The following MPP7 variants were observed in gnomAD, a reference collection of about 807,000 sequenced individuals.
The protein encoded by MPP7 is MAGUK p55 subfamily member 7.
MPP7 carries 60 observed loss-of-function variants against 76.5 expected under a neutral mutation model. That is an observed-to-expected ratio of 0.78 (90% CI 0.64 to 0.97). The LOEUF (loss-of-function observed/expected upper bound fraction) is 0.97. Among genes scored for constraint, MPP7 ranks in the 50% least tolerant of loss-of-function variants. The probability of loss-of-function intolerance (pLI) is 0.00; values close to 1 mark genes in which losing one functional copy is unlikely to be tolerated. For synonymous variants in MPP7, 237 were observed against 244.5 expected (o/e 0.97, Z 0.29); for missense variants, 641 against 694.0 (o/e 0.92, Z 0.86).
At chr10:28,252,908 CTTTT>C (rs889154658) in intron 1 of MPP7, among the ~76,000 whole-genome samples, 1 of 150,090 alleles carries the variant, frequency 6.7e-6, no homozygotes, top group African/African-American at 2.5e-5. Context: ...ATCTGCATTT[CTTTT>C]TTTTTGGGAG....
chr10:28,221,627 T>C (rs1052138060), intron 2 of MPP7, among the ~76,000 whole-genome samples: 3 of 152,150 alleles, frequency 2.0e-5, no homozygotes, highest in African/African-American at 7.2e-5. Context: ...GAAAATTCAG[T>C]CTAAGAGACA....
At chr10:28,061,994 C>G (rs894540683) in intron 13 of MPP7, among the ~76,000 whole-genome samples, 26 of 151,270 alleles carry the variant, frequency 1.7e-4, no homozygotes, top group Admixed American at 5.3e-4. Context: ...GCCGACTGTT[C>G]AAAAAAAATA....
At chr10:28,080,815 T>G (rs1852725929) in intron 12 of MPP7, among the ~76,000 whole-genome samples, 1 of 152,232 alleles carries the variant, frequency 6.6e-6, no homozygotes, top group Non-Finnish European at 1.5e-5. Context: ...GGAATTTCAT[T>G]ATGACTTTCA....
chr10:28,095,194 C>CATATATATATATATATATATAT (rs10528025), intron 11 of MPP7, among the ~76,000 whole-genome samples: 35 of 130,828 alleles, frequency 2.7e-4, no homozygotes, highest in East Asian at 1.6e-3. Flanking sequence ...CACACATATG[C>CATATATATATATATATATATAT]ATATATATAT....
At chr10:28,062,531 AACACACACACAC>A (rs56923979) in intron 13 of MPP7, among the ~76,000 whole-genome samples, 2,474 of 132,358 alleles carry the variant, frequency 0.019, 54 homozygotes, top group African/African-American at 0.052. Context: ...CATAATAGTA[AACACACACACAC>A]ACACACACAC....
At chr10:28,131,725 A>C in intron 5 of MPP7, 34 bp from the exon 6 acceptor site, 1 of 1,307,302 alleles carries the variant, frequency 7.6e-7, no homozygotes, top group Non-Finnish European at 1.0e-6. Flanking sequence ...AAATAAGTAA[A>C]TATACATACT....
chr10:28,243,743 G>A (rs1366269475), intron 1 of MPP7, among the ~76,000 whole-genome samples: 1 of 151,970 alleles, frequency 6.6e-6, no homozygotes, highest in African/African-American at 2.4e-5. Flanking sequence ...GGAACATACA[G>A]CAACAAAATG....
intron 1 of MPP7, among the ~76,000 whole-genome samples, chr10:28,251,303 A>T (rs1221504621): frequency 6.6e-6 from 1 of 151,990 alleles, no homozygotes; most frequent in Non-Finnish European, 1.5e-5. Flanking sequence ...CATCTCTACT[A>T]AAAATACAAA....
intron 12 of MPP7, among the ~76,000 whole-genome samples, chr10:28,086,821 C>T (rs1351773585): frequency 6.6e-6 from 1 of 152,136 alleles, no homozygotes; most frequent in African/African-American, 2.4e-5. Context: ...CAGAGTCTAT[C>T]CCCCGCTGAA....
chr10:28,178,456 A>G (rs1316240942), intron 3 of MPP7, among the ~76,000 whole-genome samples: 1 of 152,136 alleles, frequency 6.6e-6, no homozygotes, highest in Non-Finnish European at 1.5e-5. Context: ...AAAACAGGAA[A>G]AAAAAAGTCC....
At chr10:28,196,692 A>T (rs942661368) in intron 3 of MPP7, among the ~76,000 whole-genome samples, 46 of 152,272 alleles carry the variant, frequency 3.0e-4, no homozygotes, top group African/African-American at 1.1e-3. Flanking sequence ...CATAAACAAT[A>T]GTTGGTGGCT....
intron 2 of MPP7, among the ~76,000 whole-genome samples, chr10:28,315,376 G>A (rs72805607): frequency 0.065 from 9,846 of 150,880 alleles, 397 homozygotes; most frequent in Middle Eastern, 0.11. Context: ...AAGGAAGGAA[G>A]AGAGGGAGGG....
intron 13 of MPP7, among the ~76,000 whole-genome samples, chr10:28,064,239 G>A (rs940050704): frequency 2.0e-5 from 3 of 152,124 alleles, no homozygotes; most frequent in African/African-American, 7.2e-5. Flanking sequence ...TCTATACAAT[G>A]GAATGCTATT....
intron 1 of MPP7, among the ~76,000 whole-genome samples, chr10:28,241,245 G>A (rs1281514609): frequency 6.6e-6 from 1 of 151,978 alleles, no homozygotes; most frequent in Non-Finnish European, 1.5e-5. Flanking sequence ...TATTGCTGCT[G>A]TTCATCTATG....
chr10:28,074,081 A>G (rs1377289716), intron 12 of MPP7, among the ~76,000 whole-genome samples: 2 of 152,178 alleles, frequency 1.3e-5, no homozygotes, highest in African/African-American at 4.8e-5. Context: ...TGAGGGCAGG[A>G]GTATTATATT....
chr10:28,178,920 TAG>T (rs960727652), intron 3 of MPP7, among the ~76,000 whole-genome samples: 5 of 152,098 alleles, frequency 3.3e-5, no homozygotes, highest in African/African-American at 1.2e-4. Context: ...AAGAGAAATG[TAG>T]TAAAAGTTGA....
At chr10:28,136,223 A>C (rs1835350079) in intron 5 of MPP7, among the ~76,000 whole-genome samples, 1 of 151,990 alleles carries the variant, frequency 6.6e-6, no homozygotes, top group South Asian at 2.1e-4. Context: ...ATGTAATAAT[A>C]ATAGAAATAA....
chr10:28,137,860 A>T (rs1240089212), intron 5 of MPP7, among the ~76,000 whole-genome samples: 3 of 152,112 alleles, frequency 2.0e-5, no homozygotes, highest in Non-Finnish European at 4.4e-5. Flanking sequence ...AACTCATCAG[A>T]CTCACAAGCA....
rs147394740 is a variant in MPP7 at position 28,294,015 on chromosome 10, T to C, written c.-132+8846A>G. ...AGCCGAGAGATGAGATCCCAAAGAATTGCGTTCAAGGGCTGGGCGTGGTGG... is the reference window on the plus strand; with the variant it reads ...AGCCGAGAGATGAGATCCCAAAGAACTGCGTTCAAGGGCTGGGCGTGGTGG... On this transcript the variant is annotated intron_variant, in intron 1 of 16. Transcript: ENST00000683449. 5.3e-5 allele frequency among the ~76,000 whole-genome samples: 8 copies of C among 152,156 alleles called. No homozygotes were observed. The East Asian group carries it at 1.4e-3, about 26-fold the overall frequency.
Sources: gnomAD v4.1 joint callset for allele counts (sites outside exome capture counted in the v4.1 genomes callset) on GRCh38, gnomAD v4.1.1 for gene constraint, MANE v1.5 for transcripts, NCBI Gene and HGNC (gene_info 2026-07-23, HGNC 2026-07-21) for gene names.